The following EPB41L5 variants were observed in gnomAD, a reference collection of about 807,000 sequenced individuals.
EPB41L5 encodes the protein band 4.1-like protein 5.
Under a neutral mutation model 106.6 loss-of-function variants are expected in EPB41L5, and 55 were observed. The observed-to-expected ratio is 0.52, with a 90% CI of 0.42 to 0.65. EPB41L5 has a LOEUF of 0.65. Among genes scored for constraint, EPB41L5 ranks in the 30% least tolerant of loss-of-function variants. The pLI is 0.00. For synonymous variants in EPB41L5, 297 were observed against 306.7 expected (o/e 0.97, Z 0.33); for missense variants, 871 against 882.1 (o/e 0.99, Z 0.16).
intron 2 of EPB41L5, among the ~76,000 whole-genome samples, chr2:120,024,642 G>A (rs1033822568): frequency 1.9e-4 from 29 of 152,064 alleles, no homozygotes; most frequent in African/African-American, 7.0e-4. Flanking sequence ...TTGTATTTTA[G>A]TAGAGATGGG....
rs376884573 is a variant in EPB41L5, at chr2:120,104,030, G to A, written c.1337+3216G>A. The stretch of plus-strand genomic sequence containing the variant: ...TTTCTCCTATTCCTATTGACTAACT[G>A]TGCTCCCCTCCCACTCCCCAACCAT... On this transcript the variant is annotated intron_variant, in intron 16 of 24. Coordinates refer to ENST00000263713, the MANE Select transcript of EPB41L5 (RefSeq NM_020909.4). 190 of 1,500,374 alleles carry A rather than the reference G, an allele frequency of 1.3e-4. No homozygotes were observed. In the African/African-American group the frequency reaches 2.2e-3, roughly 17 times the overall value. The allele number at this position is 1,500,374 out of a possible 1,614,324, so 92.9% of individuals were successfully genotyped here.
rs1679255209 is a variant in EPB41L5, at chr2:120,039,524, G to A, written c.181-2482G>A. Among the ~76,000 whole-genome samples, 6 of 152,220 alleles carry A rather than the reference G, an allele frequency of 3.9e-5. No homozygotes were observed. The South Asian group carries it at 1.2e-3, about 32-fold the overall frequency. On this transcript the variant is annotated intron_variant, in intron 2 of 24. Coordinates refer to ENST00000263713, the MANE Select transcript of EPB41L5 (RefSeq NM_020909.4). ...ATTCCCCATGTGGTTGGAGAACTTA[G>A]GCATTGAAAGTAATTTTGTGGCCAG...
intron 18 of EPB41L5, among the ~76,000 whole-genome samples, chr2:120,136,715 T>C (rs528540190): frequency 3.3e-5 from 5 of 152,102 alleles, no homozygotes; most frequent in Admixed American, 6.6e-5. Context: ...ATAAATAATA[T>C]ATGCACCTAA....
At chr2:120,082,504 T>G (rs907098635) in intron 10 of EPB41L5, among the ~76,000 whole-genome samples, 1 of 152,204 alleles carries the variant, frequency 6.6e-6, no homozygotes, top group Non-Finnish European at 1.5e-5. Flanking sequence ...TGGATTCGGT[T>G]TGCCAGTATT....
At chr2:120,167,100 C>T (rs1413799025) in intron 22 of EPB41L5, among the ~76,000 whole-genome samples, 1 of 152,126 alleles carries the variant, frequency 6.6e-6, no homozygotes. Context: ...ACCAAGAAGG[C>T]TATCATTATT....
intron 18 of EPB41L5, among the ~76,000 whole-genome samples, chr2:120,138,308 C>T (rs1012882131): frequency 2.0e-5 from 3 of 152,036 alleles, no homozygotes; most frequent in Non-Finnish European, 4.4e-5. Context: ...TGCCCACTTT[C>T]ACTGCTGTTA....
rs189848177 is a variant in EPB41L5, at chr2:120,077,398, A to G, written c.714+82A>G. 135 of 1,194,746 alleles carry G rather than the reference A, an allele frequency of 1.1e-4. No homozygotes were observed. In the African/African-American group the frequency reaches 1.9e-3, roughly 17 times the overall value. 74.0% of individuals were successfully genotyped at this position (1,194,746 alleles called of 1,614,324 possible). A position where few individuals can be genotyped will look rare whatever the true frequency, so the allele number is the denominator to read the frequency against. ...ACTGTGGAATTTTTCAGTATGAGGG[A>G]GGGCATGGAGTTTGCATAAGCTAGC... is the stretch of plus-strand genomic sequence containing the variant. On this transcript the variant is annotated intron_variant, in intron 9 of 24. Coordinates refer to ENST00000263713, the MANE Select transcript of EPB41L5 (RefSeq NM_020909.4).
intron 18 of EPB41L5, among the ~76,000 whole-genome samples, 160 bp from the exon 19 acceptor site, chr2:120,142,839 CAGAT>C (rs1686238654): frequency 6.6e-6 from 1 of 152,144 alleles, no homozygotes; most frequent in Admixed American, 6.5e-5. Context: ...GAGCTCTTCA[CAGAT>C]AGATGACTTT....
At chr2:120,111,739 C>G (rs533595576) in intron 16 of EPB41L5, among the ~76,000 whole-genome samples, 12 of 152,242 alleles carry the variant, frequency 7.9e-5, no homozygotes, top group African/African-American at 2.9e-4. Flanking sequence ...CTGTCTGGTA[C>G]TCCTTTCAGC....
At chr2:120,033,232 A>G (rs957857371) in intron 2 of EPB41L5, among the ~76,000 whole-genome samples, 2 of 152,232 alleles carry the variant, frequency 1.3e-5, no homozygotes, top group African/African-American at 2.4e-5. Context: ...TCCTGAAACC[A>G]GCATACTACA....
rs535146121 is a variant in EPB41L5 at position 120,035,259 on chromosome 2, A to T, written c.181-6747A>T. ...TAGGATATAAGATTCTTCTAAAAAA[A>T]TTTTTTTTAAAAATTTTTTGTAGAG... is the stretch of plus-strand genomic sequence containing the variant. On this transcript the variant is annotated intron_variant, in intron 2 of 24. Transcript: ENST00000263713. 5.9e-4 allele frequency among the ~76,000 whole-genome samples: 90 copies of T among 152,082 alleles called. 1 individual carries two copies. In the East Asian group the frequency reaches 0.01, roughly 17 times the overall value.
intron 16 of EPB41L5, chr2:120,105,195 G>A (rs1684378435): frequency 1.0e-6 from 1 of 981,908 alleles, no homozygotes. Flanking sequence ...ATTAATAGAA[G>A]TGAATTAGCT....
intron 2 of EPB41L5, among the ~76,000 whole-genome samples, chr2:120,026,414 G>A (rs1219942719): frequency 1.3e-5 from 2 of 151,906 alleles, no homozygotes; most frequent in African/African-American, 2.4e-5. Flanking sequence ...TATTGCTCAG[G>A]CTGGAGTGCA....
At chr2:120,048,478 T>A (rs1679983301) in intron 3 of EPB41L5, among the ~76,000 whole-genome samples, 2 of 152,188 alleles carry the variant, frequency 1.3e-5, no homozygotes, top group South Asian at 2.1e-4. Context: ...TGATGGTAGT[T>A]TGTATTTCTG....
At chr2:120,054,852 A>T (rs1176120986) in intron 3 of EPB41L5, among the ~76,000 whole-genome samples, 3 of 145,240 alleles carry the variant, frequency 2.1e-5, no homozygotes, top group Non-Finnish European at 4.5e-5. Context: ...CCATTGATAC[A>T]TACATATATA....
In EPB41L5 at chr2:120,093,528, T is replaced by C. The variant is rs529042057; in HGVS notation, c.1178+252T>C. Among the ~76,000 whole-genome samples, 12 of 152,348 alleles carry C rather than the reference T, an allele frequency of 7.9e-5. No homozygotes were observed. In the East Asian group the frequency reaches 2.3e-3, roughly 29 times the overall value. On this transcript the variant is annotated intron_variant, in intron 14 of 24. Coordinates refer to ENST00000263713, the MANE Select transcript of EPB41L5 (RefSeq NM_020909.4). ...AAAGAGAATGACATACCTTTGTTAT[T>C]GGCAAGTGGCTGAGGATCTTAAGAT...
Position 120,091,674 on chromosome 2 carries a change from C to A in EPB41L5, c.1150+13C>A. ...CTACAAATGAAAGGTGAAGTGCAAC[C>A]CTCTTTCAAAGGATTATTTTTCCTT... On this transcript the variant is annotated intron_variant, in intron 13 of 24. Coordinates refer to ENST00000263713, the MANE Select transcript of EPB41L5 (RefSeq NM_020909.4). 6.3e-7 allele frequency: 1 copy of A among 1,583,614 alleles called. No individual in the cohort carries two copies. The highest frequency in any genetic ancestry group is 8.7e-7 in the Non-Finnish European group (1 of 1,155,360).
At position 120,178,754 on chromosome 2, in the gene EPB41L5, G is replaced by A. The variant is rs188519778; in HGVS notation, c.*3847G>A. 1.3e-5 allele frequency: 2 copies of A among 152,306 alleles called. No individual in the cohort carries two copies. The highest frequency in any genetic ancestry group is 4.8e-5 in the African/African-American group (2 of 41,554). 9.4% of individuals were successfully genotyped at this position (152,306 alleles called of 1,614,324 possible). On this transcript the variant is annotated 3_prime_UTR_variant, in exon 25 of 25. Transcript: ENST00000263713. Reference sequence around the variant, plus strand: ...CTATGATTCCTTCCCAGTTCTAAGAGATACGATCTGTAAGTCCCTATGTCA... The same window carrying A: ...CTATGATTCCTTCCCAGTTCTAAGAAATACGATCTGTAAGTCCCTATGTCA...
chr2:120,042,995 A>ATTTGTG (rs1491151741), intron 3 of EPB41L5, among the ~76,000 whole-genome samples: 48 of 70,122 alleles, frequency 6.8e-4, no homozygotes, highest in East Asian at 1.7e-3. Context: ...TTTTCTGGAA[A>ATTTGTG]TGTGTGTGTG....
Sources: gnomAD v4.1 joint callset for allele counts (sites outside exome capture counted in the v4.1 genomes callset) on GRCh38, gnomAD v4.1.1 for gene constraint, MANE v1.5 for transcripts, NCBI Gene and HGNC (gene_info 2026-07-23, HGNC 2026-07-21) for gene names.